ADGRG6: variants seen among roughly 807,000 people sequenced by gnomAD.
ADGRG6 encodes G-protein coupled receptor 126.
ADGRG6 carries 84 observed loss-of-function variants against 142.4 expected under a neutral mutation model. The observed-to-expected ratio is 0.59, with a 90% confidence interval of 0.49 to 0.71. The LOEUF is 0.71. Ranked by LOEUF, ADGRG6 falls within the 30% of genes least tolerant of loss-of-function variation. The pLI, the probability that ADGRG6 is intolerant of heterozygous loss-of-function variation, is 0.00. For missense variants in ADGRG6, 1,367 were observed against 1,466.6 expected (o/e 0.93, Z 1.11); for synonymous variants, 521 against 520.5 (o/e 1.00, Z -0.01).
At chr6:142,421,703 T>C (rs1442744241) in intron 22 of ADGRG6, among the ~76,000 whole-genome samples, 3 of 152,194 alleles carry the variant, frequency 2.0e-5, no homozygotes, top group Non-Finnish European at 4.4e-5. Context: ...TTTCCATTAA[T>C]GAGAATTGGG....
intron 22 of ADGRG6, among the ~76,000 whole-genome samples, chr6:142,436,250 G>T (rs1777481406): frequency 6.6e-6 from 1 of 152,176 alleles, no homozygotes; most frequent in Non-Finnish European, 1.5e-5. Context: ...TCATGGACAT[G>T]TAAACCTTTT....
intron 16 of ADGRG6, among the ~76,000 whole-genome samples, chr6:142,409,459 C>T (rs1244398252): frequency 2.0e-5 from 3 of 152,076 alleles, no homozygotes; most frequent in Non-Finnish European, 2.9e-5. Flanking sequence ...GTGAATAATG[C>T]TACTGTGAGC....
At chr6:142,347,870 A>G (rs567854971) in intron 2 of ADGRG6, among the ~76,000 whole-genome samples, 201 of 152,322 alleles carry the variant, frequency 1.3e-3, no homozygotes, top group African/African-American at 4.5e-3. Context: ...CTATTTGAAT[A>G]AAGTAGCTAA....
intron 6 of ADGRG6, among the ~76,000 whole-genome samples, chr6:142,388,384 T>A (rs1436256280): frequency 1.3e-5 from 2 of 152,144 alleles, no homozygotes; most frequent in Non-Finnish European, 2.9e-5. Flanking sequence ...ACTACTGTTA[T>A]AACAAAAGCA....
intron 22 of ADGRG6, among the ~76,000 whole-genome samples, chr6:142,420,691 A>G (rs1364330578): frequency 2.6e-5 from 4 of 152,168 alleles, no homozygotes; most frequent in South Asian, 2.1e-4. Flanking sequence ...AACATTTGTC[A>G]ATGGTCTGCT....
chr6:142,433,340 A>G (rs1431673694), intron 22 of ADGRG6, among the ~76,000 whole-genome samples: 2 of 152,172 alleles, frequency 1.3e-5, no homozygotes, highest in African/African-American at 4.8e-5. Flanking sequence ...AATTCGAATT[A>G]TTTATACACT....
chr6:142,370,393 T>G lies in ADGRG6; in HGVS notation c.669T>G (p.Phe223Leu). The G allele has an allele frequency of 6.2e-7, 1 of 1,613,464 alleles. No homozygotes were observed. Among genetic ancestry groups the G allele is most frequent in the Non-Finnish European group, 8.5e-7 (1 of 1,179,502 alleles). The change falls in exon 4 of 25, where the codon TTT becomes TTG. Residue 223 changes from phenylalanine to leucine, a missense_variant. This residue lies in a region of ADGRG6 where 737 missense variants were observed against 746.5 expected (regional missense o/e 0.99). Transcript: ENST00000367609. ...LSFGKAKSGY[F>L]LSISDSKCLL... ...TTGGAAAGGCCAAGAGTGGCTACTTTCTATCCATTTCTGATTCAAAATGTT... is the reference window on the plus strand; with the variant it reads ...TTGGAAAGGCCAAGAGTGGCTACTTGCTATCCATTTCTGATTCAAAATGTT...
intron 9 of ADGRG6, 50 bp downstream of exon 9, chr6:142,394,008 C>A: frequency 3.6e-6 from 4 of 1,098,370 alleles, no homozygotes; most frequent in Non-Finnish European, 5.4e-6. Context: ...CTCTTGCTCA[C>A]TACTTTATCT....
intron 8 of ADGRG6, among the ~76,000 whole-genome samples, chr6:142,393,592 A>G (rs1352612673): frequency 2.0e-5 from 3 of 152,206 alleles, no homozygotes; most frequent in South Asian, 4.1e-4. Context: ...AGATTTAATA[A>G]CACAGAACAG....
At chr6:142,310,036 A>G (rs1172158080) in intron 2 of ADGRG6, among the ~76,000 whole-genome samples, 1 of 151,876 alleles carries the variant, frequency 6.6e-6, no homozygotes, top group African/African-American at 2.4e-5. Flanking sequence ...GAAAGTACAG[A>G]CTTTGCTAGT....
chr6:142,358,940 G>A (rs1396316761), intron 2 of ADGRG6, among the ~76,000 whole-genome samples: 1 of 150,482 alleles, frequency 6.6e-6, no homozygotes, highest in Non-Finnish European at 1.5e-5. Flanking sequence ...GCTCATGCCT[G>A]CATGCCTGTA....
intron 1 of ADGRG6, among the ~76,000 whole-genome samples, chr6:142,303,661 T>C (rs894102342): frequency 2.0e-5 from 3 of 152,244 alleles, no homozygotes; most frequent in Non-Finnish European, 4.4e-5. Context: ...TGAAGTAATA[T>C]GAGCTTGTTT....
At chr6:142,420,917 ACT>A (rs1352558209) in intron 22 of ADGRG6, among the ~76,000 whole-genome samples, 1 of 152,176 alleles carries the variant, frequency 6.6e-6, no homozygotes, top group Non-Finnish European at 1.5e-5. Flanking sequence ...TGAGGCCAAC[ACT>A]CTAAAAGAAA....
intron 2 of ADGRG6, among the ~76,000 whole-genome samples, chr6:142,352,027 A>G (rs553168529): frequency 1.3e-5 from 2 of 152,348 alleles, no homozygotes; most frequent in African/African-American, 2.4e-5. Context: ...AATGTAAATT[A>G]GGTTAGCCAC....
intron 2 of ADGRG6, among the ~76,000 whole-genome samples, chr6:142,342,466 G>C (rs558304432): frequency 6.6e-6 from 1 of 152,112 alleles, no homozygotes; most frequent in South Asian, 2.1e-4. Context: ...ATGAATTTTA[G>C]GAGATAAGAT....
intron 10 of ADGRG6, among the ~76,000 whole-genome samples, chr6:142,398,159 G>A (rs1030965267): frequency 2.0e-5 from 3 of 152,148 alleles, no homozygotes; most frequent in South Asian, 4.2e-4. Context: ...GGGCATGGTG[G>A]CTCATGCCTA....
chr6:142,437,611 C>A (rs1471413974), intron 23 of ADGRG6, 76 bp downstream of exon 23: 7 of 767,800 alleles, frequency 9.1e-6, no homozygotes, highest in Non-Finnish European at 1.7e-5. Context: ...ATTGTCAGAG[C>A]AACCCAGTCC....
At chr6:142,391,260 T>C (rs574008048) in intron 7 of ADGRG6, among the ~76,000 whole-genome samples, 8 of 151,938 alleles carry the variant, frequency 5.3e-5, no homozygotes, top group African/African-American at 1.9e-4. Context: ...TACAGCATAC[T>C]GTGAGACTTT....
chr6:142,370,872 A>G (rs1474806826), intron 4 of ADGRG6, 79 bp downstream of exon 4: 1 of 1,338,686 alleles, frequency 7.5e-7, no homozygotes, highest in African/African-American at 1.5e-5. Context: ...AGAATTATAC[A>G]TACACACAAA....
Sources: allele counts gnomAD v4.1 joint callset (sites outside exome capture counted in the v4.1 genomes callset), GRCh38; gene constraint gnomAD v4.1.1; regional missense constraint gnomAD v4.1.1; transcripts MANE v1.5; gene names NCBI Gene and HGNC (gene_info 2026-07-23, HGNC 2026-07-21).